PRUNE2: variants seen among roughly 807,000 people sequenced by gnomAD.
PRUNE2 encodes protein prune homolog 2.
PRUNE2 carries 164 observed loss-of-function variants against 252.0 expected under a neutral mutation model. The observed-to-expected ratio is 0.65, with a 90% CI of 0.57 to 0.74. The LOEUF (loss-of-function observed/expected upper bound fraction) is 0.74, where lower values mean the gene tolerates loss of function less well. Among genes scored for constraint, PRUNE2 ranks in the 30% least tolerant of loss-of-function variants. PRUNE2 has a pLI of 0.00. For synonymous variants in PRUNE2, 1,292 were observed against 1,350.2 expected, an observed-to-expected ratio of 0.96 and a Z score of 0.94; for missense variants, 3,495 against 3,711.0, an observed-to-expected ratio of 0.94 and a Z score of 1.51.
chr9:76,848,567 G>T lies in PRUNE2; in HGVS notation c.345-1889C>A, dbSNP rs114693608. Among the ~76,000 whole-genome samples, 471 of 152,268 alleles carry T rather than the reference G, an allele frequency of 3.1e-3. 2 individuals carry two copies. Among genetic ancestry groups the T allele is most frequent in the African/African-American group, 0.011 (446 of 41,550 alleles). ...AATACAAAATTATTAAACAGAAAAG[G>T]TTTTATTTCATGTATGCTAAGGTCA... On this transcript the variant is annotated intron_variant, in intron 3 of 18. Transcript: ENST00000376718.
intron 6 of PRUNE2, among the ~76,000 whole-genome samples, chr9:76,741,269 T>C (rs768551835): frequency 4.6e-5 from 7 of 152,238 alleles, no homozygotes; most frequent in Non-Finnish European, 7.3e-5. Flanking sequence ...AACCAAATTA[T>C]TGTAGTTGGC....
chr9:76,674,534 A>G (rs2042140711), intron 9 of PRUNE2, among the ~76,000 whole-genome samples: 1 of 151,940 alleles, frequency 6.6e-6, no homozygotes, highest in African/African-American at 2.4e-5. Flanking sequence ...GCTACCAATG[A>G]CTTTCTTCAC....
chr9:76,625,360 G>A (rs1480345755), intron 16 of PRUNE2, among the ~76,000 whole-genome samples: 1 of 152,188 alleles, frequency 6.6e-6, no homozygotes, highest in Non-Finnish European at 1.5e-5. Flanking sequence ...TAGCCTAGGA[G>A]CAACAGGTTA....
chr9:76,725,938 C>T (rs2048065290), intron 6 of PRUNE2, among the ~76,000 whole-genome samples: 1 of 152,210 alleles, frequency 6.6e-6, no homozygotes, highest in Non-Finnish European at 1.5e-5. Flanking sequence ...AAGAAGTCAG[C>T]AGGATCTGGG....
intron 4 of PRUNE2, among the ~76,000 whole-genome samples, chr9:76,845,353 T>C (rs1396846904): frequency 6.6e-6 from 1 of 152,246 alleles, no homozygotes; most frequent in East Asian, 1.9e-4. Flanking sequence ...TCTCTAGTGC[T>C]TGGCTGCACC....
intron 8 of PRUNE2, among the ~76,000 whole-genome samples, 177 bp downstream of exon 8, chr9:76,704,584 A>G (rs1280583269): frequency 1.3e-5 from 2 of 152,192 alleles, no homozygotes; most frequent in African/African-American, 4.8e-5. Flanking sequence ...AGGAATAGGT[A>G]TTACATATGC....
chr9:76,723,164 C>A (rs1397866274), intron 6 of PRUNE2, among the ~76,000 whole-genome samples: 1 of 152,022 alleles, frequency 6.6e-6, no homozygotes, highest in Non-Finnish European at 1.5e-5. Flanking sequence ...TTGAAAAAAC[C>A]CAAAACTTCT....
Position 76,900,418 on chromosome 9 carries a change from C to G in PRUNE2, c.36+5510G>C, listed in dbSNP as rs111958091. ...CTCTGAAGAAGAAAGACTTCCTTTC[C>G]CTGGAAACCAAAGTCCAAAGCCACA... On this transcript the variant is annotated intron_variant, in intron 1 of 18. Coordinates refer to ENST00000376718, the MANE Select transcript of PRUNE2 (RefSeq NM_015225.3). Among the ~76,000 whole-genome samples, 643 of 152,202 alleles carry G rather than the reference C, an allele frequency of 4.2e-3. 5 individuals are homozygous for G. Among genetic ancestry groups the G allele is most frequent in the African/African-American group, 0.015 (605 of 41,526 alleles).
At chr9:76,856,496 C>T (rs1487405857) in intron 1 of PRUNE2, 3 of 152,112 alleles carry the variant, frequency 2.0e-5, no homozygotes, top group Admixed American at 6.6e-5. Context: ...AAGCCCAAAA[C>T]CAATTATACT....
At chr9:76,841,366 G>T (rs944968355) in intron 4 of PRUNE2, among the ~76,000 whole-genome samples, 1 of 152,202 alleles carries the variant, frequency 6.6e-6, no homozygotes, top group Non-Finnish European at 1.5e-5. Flanking sequence ...AAGGCCCTGG[G>T]TTTCAAGTGC....
intron 6 of PRUNE2, among the ~76,000 whole-genome samples, chr9:76,817,386 A>G (rs2057759010): frequency 6.6e-6 from 1 of 152,222 alleles, no homozygotes; most frequent in Admixed American, 6.5e-5. Flanking sequence ...TATGGCAGAC[A>G]CTGGCTAATT....
At chr9:76,774,270 G>A (rs1485319546) in intron 6 of PRUNE2, among the ~76,000 whole-genome samples, 2 of 151,610 alleles carry the variant, frequency 1.3e-5, no homozygotes, top group South Asian at 2.1e-4. Context: ...TGAGTAAGTG[G>A]GACTACAGGT....
At chr9:76,665,636 G>C (rs1019386248) in intron 9 of PRUNE2, among the ~76,000 whole-genome samples, 9 of 152,206 alleles carry the variant, frequency 5.9e-5, no homozygotes, top group African/African-American at 2.2e-4. Flanking sequence ...GGAGATGAAT[G>C]AGTCACTATT....
At chr9:76,790,640 T>C (rs1351287165) in intron 6 of PRUNE2, among the ~76,000 whole-genome samples, 1 of 152,132 alleles carries the variant, frequency 6.6e-6, no homozygotes, top group Non-Finnish European at 1.5e-5. Context: ...CCACAATAGA[T>C]CTTATAAAAA....
In PRUNE2 at chr9:76,708,969, G is replaced by A. The variant is rs377727228; in HGVS notation, c.3305C>T (p.Thr1102Ile). 12 of 1,613,850 alleles carry A rather than the reference G, an allele frequency of 7.4e-6. No homozygotes were observed. In the African/African-American group the frequency reaches 1.1e-4, roughly 14 times the overall value. The change falls in exon 8 of 19, where the codon ACC becomes ATC. Residue 1102 changes from threonine to isoleucine, a missense_variant. By Grantham distance (89) the Thr-to-Ile change is moderately conservative (BLOSUM62 -1). Transcript: ENST00000376718. Reference protein sequence around the residue: ...NRQLTLLHSSTNSRQTAPDSL... With the variant: ...NRQLTLLHSSINSRQTAPDSL... ...GTCAGGGGCCGTCTGCCGGGAGTTG[G>A]TGCTGCTGTGCAAAAGTGTGAGTTG... is the stretch of plus-strand genomic sequence containing the variant.
At chr9:76,820,495 G>A (rs1224575283) in intron 6 of PRUNE2, among the ~76,000 whole-genome samples, 4 of 152,124 alleles carry the variant, frequency 2.6e-5, no homozygotes, top group Non-Finnish European at 5.9e-5. Flanking sequence ...CTAATTTTCT[G>A]AATACTTCTA....
At chr9:76,836,509 A>G (rs2058985857) in intron 4 of PRUNE2, among the ~76,000 whole-genome samples, 4 of 151,876 alleles carry the variant, frequency 2.6e-5, no homozygotes, top group African/African-American at 7.3e-5. Context: ...TTTCTTTCCA[A>G]AACTCAGGGC....
At chr9:76,784,085 G>T (rs985845083) in intron 6 of PRUNE2, 1 of 152,078 alleles carries the variant, frequency 6.6e-6, no homozygotes, top group Middle Eastern at 3.2e-3. Flanking sequence ...GCTCACCTCC[G>T]TCCCTCCATA....
chr9:76,657,878 C>A (rs1318132747), intron 9 of PRUNE2, among the ~76,000 whole-genome samples: 1 of 152,188 alleles, frequency 6.6e-6, no homozygotes, highest in Non-Finnish European at 1.5e-5. Flanking sequence ...AAATGCTCCT[C>A]AACTCATTGA....
Sources: gnomAD v4.1 joint callset for allele counts (sites outside exome capture counted in the v4.1 genomes callset) on GRCh38, gnomAD v4.1.1 for gene constraint, MANE v1.5 for transcripts, NCBI Gene and HGNC (gene_info 2026-07-23, HGNC 2026-07-21) for gene names.